TTC1: variants seen among roughly 807,000 people sequenced by gnomAD.
TTC1 encodes tetratricopeptide repeat domain 1.
In TTC1, 31 loss-of-function variants were observed where a neutral mutation model predicts 37.6. The ratio of observed to expected loss-of-function variants is 0.82; its 90% CI spans 0.62 to 1.11. The LOEUF is 1.11. Ranked by LOEUF, TTC1 falls within the 50% of genes most tolerant of loss-of-function variation. The pLI, the probability that TTC1 is intolerant of heterozygous loss-of-function variation, is 0.00. For missense variants in TTC1, 351 were observed against 339.0 expected, an observed-to-expected ratio of 1.04 and a Z score of -0.28; for synonymous variants, 127 against 122.4, an observed-to-expected ratio of 1.04 and a Z score of -0.25.
intron 7 of TTC1, among the ~76,000 whole-genome samples, chr5:160,056,771 G>A (rs911798225): frequency 2.0e-5 from 3 of 152,076 alleles, no homozygotes; most frequent in African/African-American, 7.2e-5. Flanking sequence ...CCATATTAAA[G>A]AGCTATATAT....
intron 2 of TTC1, among the ~76,000 whole-genome samples, chr5:160,014,171 A>G (rs562046026): frequency 2.6e-4 from 40 of 152,172 alleles, no homozygotes; most frequent in African/African-American, 8.7e-4. Context: ...CAGCCTGGCC[A>G]ACATAGTGAA....
At chr5:160,061,567 G>C (rs1334896864) in intron 7 of TTC1, among the ~76,000 whole-genome samples, 1 of 152,120 alleles carries the variant, frequency 6.6e-6, no homozygotes, top group Non-Finnish European at 1.5e-5. Context: ...CTAACGCAGA[G>C]ACTATTTATT....
intron 5 of TTC1, among the ~76,000 whole-genome samples, chr5:160,045,200 A>G (rs1308720415): frequency 6.6e-6 from 1 of 152,196 alleles, no homozygotes; most frequent in Non-Finnish European, 1.5e-5. Context: ...TGTAAGAAAT[A>G]GTTCATTTCC....
chr5:160,030,380 G>T (rs959694221), intron 2 of TTC1, among the ~76,000 whole-genome samples: 3 of 152,160 alleles, frequency 2.0e-5, no homozygotes, highest in Non-Finnish European at 4.4e-5. Context: ...GAGTAGGTTG[G>T]AATAGAAGCT....
At chr5:160,054,323 A>G (rs1405685284) in intron 7 of TTC1, among the ~76,000 whole-genome samples, 1 of 152,322 alleles carries the variant, frequency 6.6e-6, no homozygotes, top group East Asian at 1.9e-4. Flanking sequence ...AATAGCTGGG[A>G]AAAAAGTTGG....
intron 5 of TTC1, among the ~76,000 whole-genome samples, chr5:160,045,676 C>T (rs774109922): frequency 2.0e-5 from 3 of 152,018 alleles, no homozygotes; most frequent in Non-Finnish European, 4.4e-5. Context: ...ATTCTCACCT[C>T]AGTCTCCTAA....
At chr5:160,054,580 CAG>C (rs373298438) in intron 7 of TTC1, among the ~76,000 whole-genome samples, 269 of 150,960 alleles carry the variant, frequency 1.8e-3, no homozygotes, top group African/African-American at 6.2e-3. Context: ...GCCTGGGCAA[CAG>C]AGCCAAGACC....
At chr5:160,015,075 G>A (rs1383940291) in intron 2 of TTC1, among the ~76,000 whole-genome samples, 1 of 152,098 alleles carries the variant, frequency 6.6e-6, no homozygotes, top group Non-Finnish European at 1.5e-5. Context: ...CCTATCTATA[G>A]CCTAAGGAAG....
chr5:160,044,214 G>A (rs769545826), intron 5 of TTC1, among the ~76,000 whole-genome samples: 1 of 152,058 alleles, frequency 6.6e-6, no homozygotes, highest in Non-Finnish European at 1.5e-5. Context: ...CCCCTGTCAC[G>A]CTAAGCATAT....
At position 160,064,809 on chromosome 5, in the gene TTC1, C is replaced by T. The variant is rs559872391; in HGVS notation, c.746-123C>T. On this transcript the variant is annotated intron_variant, in intron 7 of 7. Coordinates refer to ENST00000231238, the MANE Select transcript of TTC1 (RefSeq NM_003314.3). ...AAGCTTTCATCATATTAAAAGTAGG[C>T]ATTTCTTTAACTGCAAAGAGATACT... is the stretch of plus-strand genomic sequence containing the variant. 2.1e-4 allele frequency: 218 copies of T among 1,034,938 alleles called. No individual in the cohort carries two copies. The Middle Eastern group carries it at 6.0e-3, about 28-fold the overall frequency. The allele number at this position is 1,034,938 out of a possible 1,614,324, so 64.1% of individuals were successfully genotyped here.
chr5:160,015,030 G>A (rs1756576872), intron 2 of TTC1, among the ~76,000 whole-genome samples: 1 of 152,088 alleles, frequency 6.6e-6, no homozygotes, highest in Non-Finnish European at 1.5e-5. Context: ...GATAACACCT[G>A]AGTTCATCCT....
chr5:160,045,456 A>C (rs1267126135), intron 5 of TTC1, among the ~76,000 whole-genome samples: 6 of 12,846 alleles, frequency 4.7e-4, no homozygotes, highest in African/African-American at 7.7e-4. Context: ...CCCACCCTCC[A>C]CACACACACA....
At chr5:160,063,122 A>C (rs763564148) in intron 7 of TTC1, among the ~76,000 whole-genome samples, 1 of 152,214 alleles carries the variant, frequency 6.6e-6, no homozygotes, top group Non-Finnish European at 1.5e-5. Context: ...TTTTATCCAA[A>C]GATGGGTTGG....
chr5:160,028,325 G>T (rs1311513930), intron 2 of TTC1, among the ~76,000 whole-genome samples: 1 of 150,878 alleles, frequency 6.6e-6, no homozygotes, highest in Non-Finnish European at 1.5e-5. Flanking sequence ...AAAGTTATCA[G>T]CCTTTATTTC....
At chr5:160,009,301 C>T (rs1191809137) in intron 1 of TTC1, 108 bp downstream of exon 1, 1 of 152,168 alleles carries the variant, frequency 6.6e-6, no homozygotes, top group African/African-American at 2.4e-5. Context: ...AGCTCAAACT[C>T]CTGTGTTCTT....
chr5:160,037,600 C>T (rs1177179284), intron 4 of TTC1, among the ~76,000 whole-genome samples: 1 of 152,104 alleles, frequency 6.6e-6, no homozygotes, highest in Non-Finnish European at 1.5e-5. Context: ...CCTGTAATCC[C>T]ATCTACTCAA....
At chr5:160,014,486 A>T (rs1242979527) in intron 2 of TTC1, among the ~76,000 whole-genome samples, 1 of 152,014 alleles carries the variant, frequency 6.6e-6, no homozygotes, top group Non-Finnish European at 1.5e-5. Flanking sequence ...CAACATAGTG[A>T]GACCCTGTCT....
At position 160,010,595 on chromosome 5, in the gene TTC1, A is replaced by T; in HGVS notation, c.67A>T (p.Thr23Ser). The T allele has an allele frequency of 6.2e-7, 1 of 1,614,158 alleles. No individual in the cohort carries two copies. Among genetic ancestry groups the T allele is most frequent in the Non-Finnish European group, 8.5e-7 (1 of 1,180,032 alleles). ...DLLNGLKVTD[T>S]QEAECAGPPV... ...GTTAAATGGTTTGAAGGTTACAGAT[A>T]CTCAGGAAGCCGAGTGTGCTGGCCC... The change falls in exon 2 of 8, where the codon ACT (threonine) becomes TCT (serine). Residue 23 changes from threonine (T) to serine (S), a missense_variant. Transcript: ENST00000231238.
intron 3 of TTC1, among the ~76,000 whole-genome samples, chr5:160,036,036 A>G (rs1477574797): frequency 6.6e-6 from 1 of 150,960 alleles, no homozygotes; most frequent in African/African-American, 2.4e-5. Context: ...TTGGAAGCAT[A>G]TTTTTTGTAT....
Sources: gnomAD v4.1 joint callset for allele counts (sites outside exome capture counted in the v4.1 genomes callset) on GRCh38, gnomAD v4.1.1 for gene constraint, MANE v1.5 for transcripts, NCBI Gene and HGNC (gene_info 2026-07-23, HGNC 2026-07-21) for gene names.